The following FGG variants were observed in gnomAD, a reference collection of about 807,000 sequenced individuals.
FGG encodes the protein fibrinogen, gamma polypeptide.
FGG carries 20 observed loss-of-function variants against 51.7 expected under a neutral mutation model. The ratio of observed to expected loss-of-function variants is 0.39; its 90% CI spans 0.27 to 0.56. The LOEUF is 0.56. FGG is among the 20% of genes least tolerant of loss of function. FGG has a pLI of 0.64. For missense variants in FGG, 460 were observed against 534.2 expected (o/e 0.86, Z 1.37); for synonymous variants, 184 against 184.7 (o/e 1.00, Z 0.03).
At chr4:154,607,820 T>A (rs7689660) in intron 7 of FGG, among the ~76,000 whole-genome samples, 152,326 of 152,328 alleles carry the variant, frequency 1, 76,162 homozygotes, top group Middle Eastern at 1. Flanking sequence ...CTATTCCTTA[T>A]ACATAACAAG....
At chr4:154,612,363 CA>C (rs1560837133) in intron 2 of FGG, 27 bp downstream of exon 2, 8 of 1,611,668 alleles carry the variant, frequency 5.0e-6, no homozygotes, top group Non-Finnish European at 5.9e-6. Context: ...AGTTCACACA[CA>C]AAGGGAGAAA....
chr4:154,611,707 A>G (rs1731214662), intron 4 of FGG, 98 bp downstream of exon 4: 3 of 816,332 alleles, frequency 3.7e-6, no homozygotes, highest in Non-Finnish European at 5.8e-6. Context: ...GATATTATAA[A>G]TGGGGAAAAC....
At chr4:154,609,027 C>G (rs1188754196) in intron 6 of FGG, among the ~76,000 whole-genome samples, 2 of 152,174 alleles carry the variant, frequency 1.3e-5, no homozygotes, top group Non-Finnish European at 2.9e-5. Context: ...AATGCTTCCA[C>G]CATTCATTCC....
At chr4:154,608,879 G>A (rs970825837) in intron 6 of FGG, among the ~76,000 whole-genome samples, 1 of 152,114 alleles carries the variant, frequency 6.6e-6, no homozygotes, top group Non-Finnish European at 1.5e-5. Context: ...AAATACTTAA[G>A]AGGGTTTCTG....
In FGG at chr4:154,612,210, A is replaced by G. The variant is rs772079391; in HGVS notation, c.124-9T>C. 1 of 1,609,404 alleles carries G rather than the reference A, an allele frequency of 6.2e-7. No homozygotes were observed. Among genetic ancestry groups the G allele is most frequent in the Non-Finnish European group, 8.5e-7 (1 of 1,177,568 alleles). ...GTTGGACAATAACTACCCTGAAAAT[A>G]TAACAGTGATTAAAAATGTAGACAG... On this transcript the variant is annotated splice_polypyrimidine_tract_variant and intron_variant, in intron 2 of 8. Coordinates refer to ENST00000336098, the MANE Select transcript of FGG (RefSeq NM_021870.3).
intron 7 of FGG, among the ~76,000 whole-genome samples, chr4:154,607,507 G>A (rs970104764): frequency 6.6e-6 from 1 of 152,152 alleles, no homozygotes; most frequent in Non-Finnish European, 1.5e-5. Context: ...GAGCTTCTGA[G>A]GGCATTACAC....
At position 154,610,205 on chromosome 4, in the gene FGG, C is replaced by T. The variant is rs191166362; in HGVS notation, c.402-8G>A. On this transcript the variant is annotated splice_polypyrimidine_tract_variant and splice_region_variant and intron_variant, in intron 4 of 8. Coordinates refer to ENST00000336098, the MANE Select transcript of FGG (RefSeq NM_021870.3). ...TATATTTCCTGCAAATATCTACAAACAGAAACATAAGATAACAAAAATAAG... is the reference window on the plus strand; with the variant it reads ...TATATTTCCTGCAAATATCTACAAATAGAAACATAAGATAACAAAAATAAG... 7.1e-6 allele frequency: 11 copies of T among 1,549,160 alleles called. No homozygotes were observed. Among genetic ancestry groups the T allele is most frequent in the Non-Finnish European group, 8.9e-6 (10 of 1,121,626 alleles).
chr4:154,605,512 T>C (rs1195838332), intron 8 of FGG, among the ~76,000 whole-genome samples: 1 of 152,158 alleles, frequency 6.6e-6, no homozygotes, highest in Non-Finnish European at 1.5e-5. Context: ...CATGTTATTT[T>C]ATGTCTCCAT....
intron 7 of FGG, 29 bp from the exon 8 acceptor site, chr4:154,607,011 T>G (rs780910887): frequency 2.2e-5 from 34 of 1,539,560 alleles, no homozygotes; most frequent in African/African-American, 2.7e-5. Context: ...AACCATCACA[T>G]GCTGACCCTC....
intron 2 of FGG, 42 bp downstream of exon 2, chr4:154,612,349 C>T (rs778286703): frequency 2.5e-6 from 4 of 1,606,760 alleles, no homozygotes; most frequent in Non-Finnish European, 3.4e-6. Flanking sequence ...CTCTGCCCCT[C>T]TCCAGTTCAC....
chr4:154,609,943 C>A lies in FGG; in HGVS notation c.532+124G>T, dbSNP rs984160965. On this transcript the variant is annotated intron_variant, in intron 5 of 8. Coordinates refer to ENST00000336098, the MANE Select transcript of FGG (RefSeq NM_021870.3). Reference sequence around the variant, plus strand: ...AGCTATTCAAGAAAGGTCTAGACAACTGAAATTCTTAGACTTAATGGGTAG... The same window carrying A: ...AGCTATTCAAGAAAGGTCTAGACAAATGAAATTCTTAGACTTAATGGGTAG... The A allele has an allele frequency of 4.6e-6, 7 of 1,516,508 alleles. No homozygotes were observed. In the African/African-American group the frequency reaches 8.2e-5, roughly 18 times the overall value. 93.9% of individuals were successfully genotyped at this position (1,516,508 alleles called of 1,614,324 possible). A position where few individuals can be genotyped will look rare whatever the true frequency, so the allele number is the denominator to read the frequency against.
Position 154,606,978 on chromosome 4 carries a change from C to T in FGG, c.856G>A (p.Ala286Thr). The T allele has an allele frequency of 6.3e-7, 1 of 1,599,260 alleles. No individual in the cohort carries two copies. The stretch of plus-strand genomic sequence containing the variant: ...CCCACCTTGAACATGGCATAGTCTG[C>T]AGTACTGAGAAGAAGGAAATACAAC... ...LEDWNGRTST[A>T]DYAMFKVGPE... Residue 286 changes from alanine (A) to threonine (T), a missense_variant, in exon 8 of 9, where the codon GCA (alanine) becomes ACA (threonine). Physicochemically the swap from Ala to Thr is moderately conservative, Grantham distance 58. This residue lies in a region of FGG where 353 missense variants were observed against 391.7 expected (regional missense o/e 0.90). Transcript: ENST00000336098.
Position 154,609,660 on chromosome 4 carries a change from C to T in FGG, c.636G>A (p.Gly212=). ...GAAACACAGTCCATCCATTTCCAGA[C>T]CCATCGATTTCACAGTAGACTAAGA... ...QQFLVYCEID[G]SGNGWTVFQK... Residue 212 remains glycine (G), a synonymous_variant, in exon 6 of 9, where the codon GGG becomes GGA. Coordinates refer to ENST00000336098, the MANE Select transcript of FGG (RefSeq NM_021870.3). 1.2e-6 allele frequency: 2 copies of T among 1,613,942 alleles called. No individual in the cohort carries two copies. The highest frequency in any genetic ancestry group is 1.7e-6 in the Non-Finnish European group (2 of 1,179,878).
chr4:154,610,328 C>A (rs1263284722), intron 4 of FGG, 131 bp from the exon 5 acceptor site: 2 of 671,240 alleles, frequency 3.0e-6, no homozygotes, highest in Admixed American at 2.9e-5. Flanking sequence ...TAAATTATTC[C>A]ATTCTTGAGG....
rs539777017 is a variant in FGG, at chr4:154,605,291, A to G, written c.1130-225T>C. 2.0e-5 allele frequency among the ~76,000 whole-genome samples: 3 copies of G among 152,260 alleles called. No individual in the cohort carries two copies. The South Asian group carries it at 6.2e-4, about 32-fold the overall frequency. On this transcript the variant is annotated intron_variant, in intron 8 of 8. Transcript: ENST00000336098. ...ACTCATAGTCACATCCACACTTTAA[A>G]TTTATTCACTACTAGTAGGGCTAGA...
chr4:154,606,946 T>C lies in FGG; in HGVS notation c.888A>G (p.Glu296=), dbSNP rs1578808760. 1 of 1,612,498 alleles carries C rather than the reference T, an allele frequency of 6.2e-7. No individual in the cohort carries two copies. Among genetic ancestry groups the C allele is most frequent in the Non-Finnish European group, 8.5e-7 (1 of 1,179,038 alleles). Reference sequence around the variant, plus strand: ...CATATGTTAGGCGGTACTTGTCAGCTTCAGGTCCCACCTTGAACATGGCAT... The same window carrying C: ...CATATGTTAGGCGGTACTTGTCAGCCTCAGGTCCCACCTTGAACATGGCAT... The part of the protein sequence containing the change: ...ADYAMFKVGP[E]ADKYRLTYAY... The change falls in exon 8 of 9, where the codon GAA becomes GAG. Residue 296 remains glutamate (E), a synonymous_variant. Transcript: ENST00000336098.
chr4:154,607,502 T>A (rs2110842793), intron 7 of FGG, among the ~76,000 whole-genome samples: 1 of 152,270 alleles, frequency 6.6e-6, no homozygotes, highest in South Asian at 2.1e-4. Flanking sequence ...AAGGAGAGCT[T>A]CTGAGGGCAT....
Position 154,604,479 on chromosome 4 carries a change from C to A in FGG, c.*355G>T. On this transcript the variant is annotated 3_prime_UTR_variant, in exon 9 of 9. Coordinates refer to ENST00000336098, the MANE Select transcript of FGG (RefSeq NM_021870.3). ...GGAAAATACCTGGGAATTTGAAACTCTAAAATGTTCTCCTATTTTATTAAG... is the reference window on the plus strand; with the variant it reads ...GGAAAATACCTGGGAATTTGAAACTATAAAATGTTCTCCTATTTTATTAAG... The A allele has an allele frequency of 9.1e-7, 1 of 1,093,256 alleles. No individual in the cohort carries two copies. The highest frequency in any genetic ancestry group is 1.9e-5 in the South Asian group (1 of 53,680). 67.7% of individuals were successfully genotyped at this position (1,093,256 alleles called of 1,614,324 possible).
Position 154,604,320 on chromosome 4 carries a change from A to G in FGG, c.*514T>C, listed in dbSNP as rs879381319. 9.3e-6 allele frequency: 14 copies of G among 1,512,646 alleles called. No homozygotes were observed. Among genetic ancestry groups the G allele is most frequent in the Non-Finnish European group, 1.1e-5 (13 of 1,130,798 alleles). 93.7% of individuals were successfully genotyped at this position (1,512,646 alleles called of 1,614,324 possible). A position where few individuals can be genotyped will look rare whatever the true frequency, so the allele number is the denominator to read the frequency against. ...CAGATAAAGTCCTTTAAAAAAGTAA[A>G]TCTCTTTTGAAACGGTCTTTTAAAC... On this transcript the variant is annotated 3_prime_UTR_variant, in exon 9 of 9. Transcript: ENST00000336098.
Sources: allele counts gnomAD v4.1 joint callset (sites outside exome capture counted in the v4.1 genomes callset), GRCh38; gene constraint gnomAD v4.1.1; regional missense constraint gnomAD v4.1.1; transcripts MANE v1.5; gene names NCBI Gene and HGNC (gene_info 2026-07-23, HGNC 2026-07-21).